Variants in DDX10 observed in about 807,000 individuals in gnomAD.
DDX10 encodes probable ATP-dependent RNA helicase DDX10.
A neutral mutation model predicts 104.3 loss-of-function variants in DDX10; 74 were observed. The ratio of observed to expected loss-of-function variants is 0.71; its 90% confidence interval spans 0.59 to 0.86. DDX10 has a LOEUF of 0.86. Among genes scored for constraint, DDX10 ranks in the 40% least tolerant of loss-of-function variants. DDX10 has a pLI of 0.00. For synonymous variants in DDX10, 351 were observed against 353.4 expected (o/e 0.99, Z 0.08); for missense variants, 952 against 1,040.0 (o/e 0.92, Z 1.16).
At chr11:108,925,123 A>G (rs1863890826) in intron 17 of DDX10, among the ~76,000 whole-genome samples, 1 of 152,118 alleles carries the variant, frequency 6.6e-6, no homozygotes, top group Non-Finnish European at 1.5e-5. Context: ...CAATATTTGG[A>G]GAAACTCCTG....
chr11:108,926,572 G>GT (rs1245232570), intron 17 of DDX10, among the ~76,000 whole-genome samples: 1 of 152,110 alleles, frequency 6.6e-6, no homozygotes, highest in Non-Finnish European at 1.5e-5. Flanking sequence ...AGATGAAATT[G>GT]TTTTTACAAA....
At chr11:108,840,836 A>G (rs1862627114) in intron 14 of DDX10, among the ~76,000 whole-genome samples, 1 of 152,318 alleles carries the variant, frequency 6.6e-6, no homozygotes, top group South Asian at 2.1e-4. Flanking sequence ...AACTGCCCTC[A>G]AGGAGATTAA....
intron 13 of DDX10, among the ~76,000 whole-genome samples, chr11:108,768,943 GT>G (rs565101477): frequency 0.01 from 1,563 of 152,028 alleles, 26 homozygotes; most frequent in African/African-American, 0.036. Flanking sequence ...TGTTTTGTCT[GT>G]CTGAAAATGT....
chr11:108,881,402 T>C (rs983423358), intron 16 of DDX10, among the ~76,000 whole-genome samples: 3 of 152,202 alleles, frequency 2.0e-5, no homozygotes, highest in African/African-American at 7.2e-5. Context: ...AAAATAAGCC[T>C]TATAAAACAA....
chr11:108,876,692 G>C (rs563151335), intron 16 of DDX10, among the ~76,000 whole-genome samples: 13 of 152,160 alleles, frequency 8.5e-5, no homozygotes, highest in Non-Finnish European at 1.5e-4. Flanking sequence ...AAGTAAGTGA[G>C]ATAACACTTG....
intron 13 of DDX10, among the ~76,000 whole-genome samples, chr11:108,819,502 T>C (rs994149661): frequency 1.3e-5 from 2 of 152,178 alleles, no homozygotes; most frequent in African/African-American, 4.8e-5. Context: ...TTTTAAAATA[T>C]ACAAGAAAAA....
chr11:108,707,507 C>T (rs1396028565), intron 10 of DDX10, among the ~76,000 whole-genome samples: 4 of 152,114 alleles, frequency 2.6e-5, no homozygotes, highest in Non-Finnish European at 2.9e-5. Flanking sequence ...TTTTTATTCA[C>T]CTACTGAAGG....
intron 9 of DDX10, among the ~76,000 whole-genome samples, chr11:108,699,072 A>G (rs2094263878): frequency 6.6e-6 from 1 of 152,068 alleles, no homozygotes. Context: ...ATATTTTTAC[A>G]TTGCTTTCAC....
intron 10 of DDX10, among the ~76,000 whole-genome samples, chr11:108,714,407 A>G (rs1380534708): frequency 6.6e-6 from 1 of 152,108 alleles, no homozygotes; most frequent in African/African-American, 2.4e-5. Flanking sequence ...CATCTTTATC[A>G]TGGATAAAAG....
intron 17 of DDX10, among the ~76,000 whole-genome samples, chr11:108,925,685 T>G (rs763272172): frequency 7.9e-5 from 12 of 152,236 alleles, no homozygotes; most frequent in Non-Finnish European, 1.6e-4. Context: ...TACCCATGCT[T>G]AGGTTTTTGG....
At chr11:108,798,748 G>T (rs954492172) in intron 13 of DDX10, among the ~76,000 whole-genome samples, 8 of 152,158 alleles carry the variant, frequency 5.3e-5, no homozygotes, top group Non-Finnish European at 1.0e-4. Context: ...ACTACAGGTT[G>T]CAGGGTGGGG....
At chr11:108,865,735 A>T (rs1863001239) in intron 16 of DDX10, among the ~76,000 whole-genome samples, 1 of 152,084 alleles carries the variant, frequency 6.6e-6, no homozygotes. Context: ...TCCTAGAAGG[A>T]TTCATTTGTT....
chr11:108,807,970 T>C (rs935922952), intron 13 of DDX10, among the ~76,000 whole-genome samples: 1 of 152,126 alleles, frequency 6.6e-6, no homozygotes, highest in African/African-American at 2.4e-5. Context: ...GGATGAAGCA[T>C]TGAGGCACAG....
rs1863970468 is a variant in DDX10, at chr11:108,931,079, G to C, written c.2451-9167G>C. Among the ~76,000 whole-genome samples, 4 of 152,240 alleles carry C rather than the reference G, an allele frequency of 2.6e-5. No individual in the cohort carries two copies. The South Asian group carries it at 8.3e-4, about 32-fold the overall frequency. On this transcript the variant is annotated intron_variant, in intron 17 of 17. Coordinates refer to ENST00000322536, the MANE Select transcript of DDX10 (RefSeq NM_004398.4). ...CCTTCCTGAGTGTCCCAGCTCCCCA[G>C]GAGTTCTCTCATGAGCCATGATAGC... is the stretch of plus-strand genomic sequence containing the variant.
chr11:108,885,959 G>A (rs1237830604), intron 16 of DDX10, among the ~76,000 whole-genome samples: 2 of 152,120 alleles, frequency 1.3e-5, no homozygotes, highest in Non-Finnish European at 2.9e-5. Flanking sequence ...AGATTTTACT[G>A]GGAAACTGAG....
At chr11:108,738,238 T>A (rs1054334683) in intron 13 of DDX10, among the ~76,000 whole-genome samples, 1 of 111,050 alleles carries the variant, frequency 9.0e-6, no homozygotes, top group African/African-American at 3.1e-5. Context: ...TACTCAAATC[T>A]TCTGAGACTG....
At chr11:108,856,883 T>C (rs1330030978) in intron 16 of DDX10, among the ~76,000 whole-genome samples, 9 of 150,804 alleles carry the variant, frequency 6.0e-5, no homozygotes, top group Non-Finnish European at 1.3e-4. Context: ...AGAATATTAT[T>C]TGGGCAAGGC....
At chr11:108,913,802 T>C (rs1863711203) in intron 16 of DDX10, among the ~76,000 whole-genome samples, 1 of 152,218 alleles carries the variant, frequency 6.6e-6, no homozygotes, top group Admixed American at 6.5e-5. Flanking sequence ...TAAAAAGACA[T>C]AGTACTTCAG....
chr11:108,935,910 G>C (rs1864031650), intron 17 of DDX10, among the ~76,000 whole-genome samples: 1 of 152,040 alleles, frequency 6.6e-6, no homozygotes, highest in African/African-American at 2.4e-5. Context: ...TTTCACATTT[G>C]TTTCATTAAC....
Sources: allele counts gnomAD v4.1 joint callset (sites outside exome capture counted in the v4.1 genomes callset), GRCh38; gene constraint gnomAD v4.1.1; transcripts MANE v1.5; gene names NCBI Gene and HGNC (gene_info 2026-07-23, HGNC 2026-07-21).